The following VPS41 variants were observed in gnomAD, a reference collection of about 807,000 sequenced individuals.
VPS41 encodes the protein vacuolar protein sorting-associated protein 41 homolog.
In VPS41, 85 loss-of-function variants were observed where a neutral mutation model predicts 130.9. The observed-to-expected ratio is 0.65, with a 90% CI of 0.55 to 0.78. The LOEUF is 0.78. Ranked by LOEUF, VPS41 falls within the 30% of genes least tolerant of loss-of-function variation. The pLI is 0.00. For missense variants in VPS41, 874 were observed against 1,018.7 expected (o/e 0.86, Z 1.93); for synonymous variants, 335 against 332.9 (o/e 1.01, Z -0.07).
At chr7:38,772,210 A>C (rs1204331987) in intron 13 of VPS41, among the ~76,000 whole-genome samples, 1 of 152,118 alleles carries the variant, frequency 6.6e-6, no homozygotes, top group African/African-American at 2.4e-5. Flanking sequence ...CTAAATAGAC[A>C]CTTCTGAAAT....
intron 7 of VPS41, among the ~76,000 whole-genome samples, chr7:38,802,881 T>C (rs1157107689): frequency 3.3e-5 from 5 of 152,226 alleles, no homozygotes; most frequent in Non-Finnish European, 5.9e-5. Flanking sequence ...CCCTGTAATA[T>C]TGAATTGTCA....
At chr7:38,843,928 G>C (rs1785668634) in intron 4 of VPS41, among the ~76,000 whole-genome samples, 1 of 152,142 alleles carries the variant, frequency 6.6e-6, no homozygotes, top group Non-Finnish European at 1.5e-5. Context: ...ATGAAAATGT[G>C]GTTGAAATAT....
At chr7:38,731,600 A>G (rs907587651) in intron 25 of VPS41, among the ~76,000 whole-genome samples, 2 of 152,028 alleles carry the variant, frequency 1.3e-5, no homozygotes, top group African/African-American at 4.8e-5. Flanking sequence ...ACCACAGACT[A>G]TCATCACCTT....
chr7:38,776,623 T>C (rs1001451938), intron 11 of VPS41, 56 bp downstream of exon 11: 4 of 931,398 alleles, frequency 4.3e-6, no homozygotes, highest in Non-Finnish European at 1.8e-6. Context: ...CTGATCTGGG[T>C]GTAATGCTAA....
intron 4 of VPS41, among the ~76,000 whole-genome samples, chr7:38,839,519 C>T (rs889086728): frequency 2.0e-5 from 3 of 152,056 alleles, no homozygotes; most frequent in Non-Finnish European, 2.9e-5. Context: ...GCCTGCTAAC[C>T]AGCAGAAGAA....
chr7:38,894,432 C>CG (rs750919850), intron 2 of VPS41, among the ~76,000 whole-genome samples: 22 of 137,438 alleles, frequency 1.6e-4, no homozygotes, highest in Non-Finnish European at 2.6e-4. Context: ...CTAGAGGCAG[C>CG]GGGGGGCACG....
intron 4 of VPS41, among the ~76,000 whole-genome samples, chr7:38,861,867 A>G (rs1209265562): frequency 1.3e-5 from 2 of 152,190 alleles, no homozygotes; most frequent in African/African-American, 4.8e-5. Flanking sequence ...CACAATTAAA[A>G]AAGAAAGCCT....
intron 2 of VPS41, among the ~76,000 whole-genome samples, chr7:38,881,106 G>A (rs948750498): frequency 2.6e-5 from 4 of 152,262 alleles, no homozygotes; most frequent in South Asian, 2.1e-4. Flanking sequence ...AGTATGAAGC[G>A]ACACAAATTT....
chr7:38,765,438 G>A lies in VPS41; in HGVS notation c.1329+142C>T, dbSNP rs886871677. On this transcript the variant is annotated intron_variant, in intron 16 of 28. Coordinates refer to ENST00000310301, the MANE Select transcript of VPS41 (RefSeq NM_014396.4). ...TACACGAGGCTTATATTTTGAAACT[G>A]TCTCTAAAAGTTTGATTTTTCTTTC... The A allele has an allele frequency of 2.2e-5, 12 of 551,192 alleles. No homozygotes were observed. In the African/African-American group the frequency reaches 2.2e-4, roughly 10 times the overall value. 34.1% of individuals were successfully genotyped at this position (551,192 alleles called of 1,614,324 possible).
At chr7:38,797,443 CA>C (rs35150618) in intron 7 of VPS41, among the ~76,000 whole-genome samples, 5 of 151,966 alleles carry the variant, frequency 3.3e-5, no homozygotes, top group Admixed American at 1.3e-4. Context: ...TTCTATCATT[CA>C]AAAAACCTGC....
chr7:38,861,527 C>T lies in VPS41; in HGVS notation c.246+1018G>A, dbSNP rs527527888. ...GAGTATGATTAGAGCACATAATTCC[C>T]TGTCTGTGTTGCTCCAAAGATTGTC... On this transcript the variant is annotated intron_variant, in intron 4 of 28. Transcript: ENST00000310301. 6.5e-4 allele frequency among the ~76,000 whole-genome samples: 99 copies of T among 152,258 alleles called. 1 individual carries two copies. Among genetic ancestry groups the T allele is most frequent in the Non-Finnish European group, 1.2e-3 (83 of 68,010 alleles).
At chr7:38,856,769 G>C (rs1196864198) in intron 4 of VPS41, among the ~76,000 whole-genome samples, 1 of 151,990 alleles carries the variant, frequency 6.6e-6, no homozygotes, top group African/African-American at 2.4e-5. Flanking sequence ...AACACCTCAG[G>C]GCTACAATCC....
Position 38,772,566 on chromosome 7 carries a change from G to C in VPS41, c.1084C>G (p.Gln362Glu). The change falls in exon 13 of 29, where the codon CAA becomes GAA. Residue 362 changes from glutamine to glutamate, a missense_variant. Gln to Glu is a conservative substitution (Grantham distance 29, BLOSUM62 2). Coordinates refer to ENST00000310301, the MANE Select transcript of VPS41 (RefSeq NM_014396.4). ...AGGAGCCAGTCAATGTGATCATCTT[G>C]GTCTCGTTCCTTGGCCACTACAACA... ...RDVVVAKERDQDDHIDWLLEK... is the reference protein window; with the variant it reads ...RDVVVAKERDEDDHIDWLLEK... 2.5e-6 allele frequency: 4 copies of C among 1,613,372 alleles called. No individual in the cohort carries two copies. Among genetic ancestry groups the C allele is most frequent in the Non-Finnish European group, 3.4e-6 (4 of 1,179,554 alleles).
intron 2 of VPS41, among the ~76,000 whole-genome samples, chr7:38,884,092 T>C (rs1311416313): frequency 6.6e-6 from 1 of 152,228 alleles, no homozygotes; most frequent in Non-Finnish European, 1.5e-5. Context: ...AATTAATACA[T>C]GTAAAGAATC....
In VPS41 at chr7:38,765,580, C is replaced by T; in HGVS notation, c.1329G>A (p.Lys443=). The T allele has an allele frequency of 6.3e-7, 1 of 1,585,926 alleles. No homozygotes were observed. Among genetic ancestry groups the T allele is most frequent in the Non-Finnish European group, 8.6e-7 (1 of 1,165,612 alleles). ...VYKFKEIGQL[K]AISPYLPRGD... is the part of the protein sequence containing the mutation. ...GAGTTAAAAATAAGGCTTTGCTTAC[C>T]TTAAGCTGTCCAATTTCTTTAAATT... The change falls in exon 16 of 29, where the codon AAG becomes AAA. Residue 443 remains lysine, a splice_region_variant and synonymous_variant. Transcript: ENST00000310301.
rs200261511 is a variant in VPS41 at position 38,796,869 on chromosome 7, G to C, written c.451-5C>G. The C allele has an allele frequency of 3.7e-6, 6 of 1,613,398 alleles. No individual in the cohort carries two copies. Among genetic ancestry groups the C allele is most frequent in the Non-Finnish European group, 5.1e-6 (6 of 1,179,656 alleles). On this transcript the variant is annotated splice_region_variant and splice_polypyrimidine_tract_variant and intron_variant, in intron 7 of 28. Coordinates refer to ENST00000310301, the MANE Select transcript of VPS41 (RefSeq NM_014396.4). ...AGACCGTTCAAACAGTAGCAGCTAG[G>C]GACAAAAAGCATAAACAAAGAATCT...
At chr7:38,850,706 G>A (rs1785836126) in intron 4 of VPS41, among the ~76,000 whole-genome samples, 1 of 152,070 alleles carries the variant, frequency 6.6e-6, no homozygotes, top group Non-Finnish European at 1.5e-5. Context: ...ATTTCTGCTT[G>A]TAAACAATGA....
At chr7:38,895,360 C>T (rs185474099) in intron 2 of VPS41, among the ~76,000 whole-genome samples, 141 of 152,100 alleles carry the variant, frequency 9.3e-4, no homozygotes, top group Non-Finnish European at 1.7e-3. Context: ...AAACAAACCA[C>T]GTTAAGGTAG....
chr7:38,783,161 T>C (rs1784383815), intron 10 of VPS41, among the ~76,000 whole-genome samples: 1 of 151,956 alleles, frequency 6.6e-6, no homozygotes, highest in Non-Finnish European at 1.5e-5. Flanking sequence ...TGAGTATCAA[T>C]TACACGAGAC....
Sources: allele counts gnomAD v4.1 joint callset (sites outside exome capture counted in the v4.1 genomes callset), GRCh38; gene constraint gnomAD v4.1.1; transcripts MANE v1.5; gene names NCBI Gene and HGNC (gene_info 2026-07-23, HGNC 2026-07-21).